The following HEATR5A variants were observed in gnomAD, a reference collection of about 807,000 sequenced individuals.
HEATR5A encodes HEAT repeat containing 5A.
Under a neutral mutation model 218.8 loss-of-function variants are expected in HEATR5A, and 178 were observed. The observed-to-expected ratio is 0.81, with a 90% CI of 0.72 to 0.92. The LOEUF is 0.92. Ranked by LOEUF, HEATR5A falls within the 40% of genes least tolerant of loss-of-function variation. The probability of loss-of-function intolerance (pLI) is 0.00; values close to 1 mark genes in which losing one functional copy is unlikely to be tolerated. For missense variants in HEATR5A, 2,420 were observed against 2,418.9 expected, an observed-to-expected ratio of 1.00 and a Z score of -0.01; for synonymous variants, 864 against 871.6, an observed-to-expected ratio of 0.99 and a Z score of 0.15.
chr14:31,357,196 T>C (rs1595132896), intron 16 of HEATR5A, among the ~76,000 whole-genome samples: 1 of 152,316 alleles, frequency 6.6e-6, no homozygotes, highest in East Asian at 1.9e-4. Context: ...AAAAACACTA[T>C]CTTTTGAAAC....
chr14:31,376,282 G>A lies in HEATR5A; in HGVS notation c.1709-1314C>T, dbSNP rs367677760. ...TGTAATCCCAGCACTTTGAGAGGCC[G>A]AGGCTGAAGGATTGCTTGAGGCCAG... On this transcript the variant is annotated intron_variant, in intron 11 of 35. Coordinates refer to ENST00000543095, the MANE Select transcript of HEATR5A (RefSeq NM_015473.4). Among the ~76,000 whole-genome samples the A allele has an allele frequency of 2.6e-4, 39 of 152,210 alleles. 2 individuals are homozygous for A. The East Asian group carries it at 6.6e-3, about 26-fold the overall frequency.
chr14:31,352,391 G>A (rs1901263471), intron 16 of HEATR5A, among the ~76,000 whole-genome samples: 1 of 152,154 alleles, frequency 6.6e-6, no homozygotes, highest in South Asian at 2.1e-4. Context: ...ATGACTGGCT[G>A]AACATGAAAA....
At position 31,305,023 on chromosome 14, in the gene HEATR5A, C is replaced by T. The variant is rs1899510895; in HGVS notation, c.5121G>A (p.Leu1707=). 7 of 1,613,904 alleles carry T rather than the reference C, an allele frequency of 4.3e-6. No homozygotes were observed. In the East Asian group the frequency reaches 1.6e-4, roughly 36 times the overall value. Reference sequence around the variant, plus strand: ...TAGCTTTTACTCCTGGGCTACCTGTCAATTTAGGGTTTAATTCTGGGAGCT... The same window carrying T: ...TAGCTTTTACTCCTGGGCTACCTGTTAATTTAGGGTTTAATTCTGGGAGCT... ...VRQLPELNPK[L]TGSPGVKATK... The change falls in exon 32 of 36, where the codon TTG becomes TTA. Residue 1707 remains leucine, a synonymous_variant. Transcript: ENST00000543095.
intron 1 of HEATR5A, among the ~76,000 whole-genome samples, chr14:31,409,488 C>T (rs371105124): frequency 2.6e-5 from 4 of 151,980 alleles, no homozygotes; most frequent in Non-Finnish European, 4.4e-5. Context: ...TCACTTGAGC[C>T]GAGGAGTTCA....
chr14:31,355,152 A>T (rs568398010), intron 16 of HEATR5A, among the ~76,000 whole-genome samples: 2,578 of 152,294 alleles, frequency 0.017, 56 homozygotes, highest in African/African-American at 0.058. Flanking sequence ...AGTAGCTTAC[A>T]CCTGTAATCC....
intron 16 of HEATR5A, among the ~76,000 whole-genome samples, chr14:31,353,979 T>G (rs1901327571): frequency 6.6e-6 from 1 of 152,106 alleles, no homozygotes; most frequent in African/African-American, 2.4e-5. Flanking sequence ...TTTTTTATTT[T>G]TAGTAGAGAC....
chr14:31,380,645 T>A, intron 10 of HEATR5A, 67 bp from the exon 11 acceptor site: 1 of 944,986 alleles, frequency 1.1e-6, no homozygotes, highest in Non-Finnish European at 1.6e-6. Context: ...TGATAGCAGC[T>A]AACAATATCT....
intron 1 of HEATR5A, among the ~76,000 whole-genome samples, chr14:31,411,913 T>C (rs2031287565): frequency 6.6e-6 from 1 of 152,094 alleles, no homozygotes; most frequent in Non-Finnish European, 1.5e-5. Flanking sequence ...TAGAGTGCAG[T>C]GGTGTAATCT....
chr14:31,337,535 G>A lies in HEATR5A; in HGVS notation c.3308C>T (p.Ala1103Val), dbSNP rs1003733895. 1.3e-5 allele frequency: 21 copies of A among 1,570,678 alleles called. No homozygotes were observed. The highest frequency in any genetic ancestry group is 1.9e-5 in the Admixed American group (1 of 52,956). ...CLRQLVQREA[A>V]EVSEHAVMLA... ...CATAACAGCATGTTCTGAAACTTCA[G>A]CTGCTTCTCTTTGTACAAGCTGACG... Residue 1103 changes from alanine (A) to valine (V), a missense_variant, in exon 22 of 36, where the codon GCT becomes GTT. Physicochemically the swap from Ala to Val is moderately conservative, Grantham distance 64. Coordinates refer to ENST00000543095, the MANE Select transcript of HEATR5A (RefSeq NM_015473.4).
intron 14 of HEATR5A, among the ~76,000 whole-genome samples, chr14:31,363,230 C>G (rs892866190): frequency 1.3e-5 from 2 of 149,218 alleles, no homozygotes; most frequent in African/African-American, 5.0e-5. Flanking sequence ...CAGAGCAAGA[C>G]TCTGTCTCCA....
At chr14:31,391,317 A>G (rs1266715546) in intron 6 of HEATR5A, among the ~76,000 whole-genome samples, 1 of 152,096 alleles carries the variant, frequency 6.6e-6, no homozygotes, top group Admixed American at 6.6e-5. Context: ...TTGCATTTTT[A>G]GTAGACAGAT....
chr14:31,383,229 T>C (rs1286690180), intron 10 of HEATR5A, among the ~76,000 whole-genome samples: 1 of 152,216 alleles, frequency 6.6e-6, no homozygotes, highest in African/African-American at 2.4e-5. Flanking sequence ...AAAACCTTCG[T>C]TCCTAAGAAC....
chr14:31,389,123 G>A, intron 6 of HEATR5A, 118 bp from the exon 7 acceptor site: 2 of 959,578 alleles, frequency 2.1e-6, no homozygotes, highest in Admixed American at 2.5e-5. Context: ...CAAACAAAAT[G>A]CAAAATTTAC....
intron 9 of HEATR5A, 54 bp from the exon 10 acceptor site, chr14:31,383,825 A>T: frequency 6.9e-7 from 1 of 1,456,600 alleles, no homozygotes; most frequent in South Asian, 1.3e-5. Context: ...TCACCTGACC[A>T]TAAAATAGTC....
At chr14:31,300,247 T>G (rs764099480) in intron 33 of HEATR5A, among the ~76,000 whole-genome samples, 2 of 152,086 alleles carry the variant, frequency 1.3e-5, no homozygotes, top group African/African-American at 4.8e-5. Flanking sequence ...ATTCTCCAAG[T>G]TTTTGGTCAA....
intron 18 of HEATR5A, among the ~76,000 whole-genome samples, chr14:31,348,313 C>T (rs1247552181): frequency 1.3e-5 from 2 of 152,118 alleles, no homozygotes; most frequent in African/African-American, 4.8e-5. Context: ...TGGTAGCTCA[C>T]GCCTGTACTC....
chr14:31,407,501 C>T (rs887986825), intron 1 of HEATR5A, among the ~76,000 whole-genome samples: 1 of 151,980 alleles, frequency 6.6e-6, no homozygotes, highest in Non-Finnish European at 1.5e-5. Context: ...CAAAATGCTG[C>T]CAGCACCTAG....
chr14:31,395,281 G>T lies in HEATR5A; in HGVS notation c.515C>A (p.Ala172Glu). 1 of 1,529,184 alleles carries T rather than the reference G, an allele frequency of 6.5e-7. No individual in the cohort carries two copies. Among genetic ancestry groups the T allele is most frequent in the Non-Finnish European group, 8.8e-7 (1 of 1,140,754 alleles). The allele number at this position is 1,529,184 out of a possible 1,614,324, so 94.7% of individuals were successfully genotyped here. The change falls in exon 5 of 36, where the codon GCA becomes GAA. Residue 172 changes from alanine (A) to glutamate (E), a missense_variant. Physicochemically the swap from Ala to Glu is moderately radical, Grantham distance 107. Transcript: ENST00000543095. ...TTTATAAACATCCCTGTGACAAGGT[G>T]CAGCGGCAGCTCCTAGTCCATTCAA... is the stretch of plus-strand genomic sequence containing the variant. Reference protein sequence around the residue: ...NILNGLGAAAAPCHRDVYKAA... With the variant: ...NILNGLGAAAEPCHRDVYKAA...
intron 6 of HEATR5A, 45 bp downstream of exon 6, chr14:31,394,007 G>A: frequency 7.6e-7 from 1 of 1,309,934 alleles, no homozygotes; most frequent in Non-Finnish European, 1.0e-6. Context: ...ATCAACTGGG[G>A]AAAAAATTAC....
Sources: allele counts gnomAD v4.1 joint callset (sites outside exome capture counted in the v4.1 genomes callset), GRCh38; gene constraint gnomAD v4.1.1; transcripts MANE v1.5; gene names NCBI Gene and HGNC (gene_info 2026-07-23, HGNC 2026-07-21).